ANKRD17: variants seen among roughly 807,000 people sequenced by gnomAD.
The protein encoded by ANKRD17 is ankyrin repeat domain 17, also known as ankyrin repeat domain-containing protein 17.
Under a neutral mutation model 229.7 loss-of-function variants are expected in ANKRD17, and 19 were observed. That is an observed-to-expected ratio of 0.08 (90% CI 0.06 to 0.12). The LOEUF (loss-of-function observed/expected upper bound fraction) is 0.12, where lower values mean the gene tolerates loss of function less well. Among genes scored for constraint, ANKRD17 ranks in the 10% least tolerant of loss-of-function variants. ANKRD17 has a pLI of 1.00. For missense variants in ANKRD17, 2,176 were observed against 3,176.8 expected (o/e 0.68, Z 7.57); for synonymous variants, 1,112 against 1,146.1 (o/e 0.97, Z 0.60).
chr4:73,149,984 A>C (rs1730792059), intron 7 of ANKRD17, among the ~76,000 whole-genome samples: 1 of 152,132 alleles, frequency 6.6e-6, no homozygotes, highest in Non-Finnish European at 1.5e-5. Context: ...GTCCTTCAGT[A>C]ATTTTTTTCC....
intron 14 of ANKRD17, among the ~76,000 whole-genome samples, chr4:73,140,617 A>G (rs778825866): frequency 3.3e-5 from 5 of 152,174 alleles, no homozygotes; most frequent in Non-Finnish European, 5.9e-5. Context: ...ATATGGTCAT[A>G]AAGATGTTAA....
At chr4:73,154,218 T>C (rs980124714) in intron 5 of ANKRD17, 105 bp from the exon 6 acceptor site, 5 of 580,348 alleles carry the variant, frequency 8.6e-6, no homozygotes, top group Middle Eastern at 8.5e-4. Flanking sequence ...ACAACCATAA[T>C]AAATATTAAA....
At position 73,076,399 on chromosome 4, in the gene ANKRD17, G is replaced by A. The variant is rs563311496; in HGVS notation, c.7753-109C>T. 68 of 683,230 alleles carry A rather than the reference G, an allele frequency of 1.0e-4. No homozygotes were observed. In the African/African-American group the frequency reaches 1.2e-3, roughly 13 times the overall value. 42.3% of individuals were successfully genotyped at this position (683,230 alleles called of 1,614,324 possible). ...TACTCTTCAATTTGCAATATACTAGGAACTAATGGAAAAAAATGATAAAAA... is the reference window on the plus strand; with the variant it reads ...TACTCTTCAATTTGCAATATACTAGAAACTAATGGAAAAAAATGATAAAAA... On this transcript the variant is annotated intron_variant, in intron 33 of 33. Coordinates refer to ENST00000358602, the MANE Select transcript of ANKRD17 (RefSeq NM_032217.5).
chr4:73,139,418 T>A (rs1183816440), intron 15 of ANKRD17, 113 bp downstream of exon 15: 1 of 1,231,702 alleles, frequency 8.1e-7, no homozygotes, highest in Non-Finnish European at 1.1e-6. Context: ...AAGCTAGACA[T>A]GAGTCAGTCC....
intron 24 of ANKRD17, among the ~76,000 whole-genome samples, chr4:73,104,350 T>C (rs1024147167): frequency 1.1e-4 from 17 of 152,168 alleles, no homozygotes; most frequent in Non-Finnish European, 1.5e-4. Context: ...CATTTGAGCC[T>C]TGCTTATGTG....
intron 16 of ANKRD17, 145 bp downstream of exon 16, chr4:73,134,972 T>G (rs1728705864): frequency 1.3e-6 from 1 of 762,018 alleles, no homozygotes; most frequent in Non-Finnish European, 1.9e-6. Context: ...ATTTTTTAAA[T>G]GTGAACTTTA....
chr4:73,150,644 A>C (rs1249969426), intron 7 of ANKRD17, among the ~76,000 whole-genome samples: 5 of 152,246 alleles, frequency 3.3e-5, no homozygotes, highest in Non-Finnish European at 5.9e-5. Context: ...AAAAATAGTA[A>C]ATAAAATTTA....
chr4:73,150,584 T>C (rs2148863505), intron 7 of ANKRD17, among the ~76,000 whole-genome samples: 1 of 152,204 alleles, frequency 6.6e-6, no homozygotes, highest in Admixed American at 6.5e-5. Context: ...AAGATGGCAA[T>C]AAGGAAAACA....
At chr4:73,100,866 T>C in intron 25 of ANKRD17, 1 of 985,320 alleles carries the variant, frequency 1.0e-6, no homozygotes, top group South Asian at 4.7e-5. Flanking sequence ...ACACATTGCA[T>C]GCACATATTT....
rs1251703936 is a variant in ANKRD17, at chr4:73,097,232, A to T, written c.5062T>A (p.Ser1688Thr). The T allele has an allele frequency of 1.9e-6, 3 of 1,605,082 alleles. No individual in the cohort carries two copies. The highest frequency in any genetic ancestry group is 3.4e-5 in the Admixed American group (2 of 58,266). ...GATGGACCAGATTTTGTACAAGTAG[A>T]TAGAGAATTACTGGTCCCTTCACTG... ...TISEGTSNSLSTCTKSGPSPL... is the reference protein window; with the variant it reads ...TISEGTSNSLTTCTKSGPSPL... The change falls in exon 27 of 34, where the codon TCT becomes ACT. Residue 1688 changes from serine to threonine, a missense_variant. Physicochemically the swap from Ser to Thr is moderately conservative, Grantham distance 58 (BLOSUM62 1). Around this residue, in one of 18 missense-constraint regions of ANKRD17, gnomAD observed 98 missense variants for 101.0 expected, o/e 0.97. Transcript: ENST00000358602.
chr4:73,209,388 T>C (rs1353269148), intron 1 of ANKRD17, among the ~76,000 whole-genome samples: 4 of 152,188 alleles, frequency 2.6e-5, no homozygotes, highest in African/African-American at 9.7e-5. Flanking sequence ...ACTCTGTCAA[T>C]TAATTCAACA....
chr4:73,243,952 ATATT>A (rs572894113), intron 1 of ANKRD17, among the ~76,000 whole-genome samples: 73 of 152,278 alleles, frequency 4.8e-4, no homozygotes, highest in African/African-American at 1.3e-3. Context: ...TAAACAACAG[ATATT>A]TATTTTCTCA....
chr4:73,187,458 C>T (rs1056890505), intron 1 of ANKRD17, among the ~76,000 whole-genome samples: 1 of 152,100 alleles, frequency 6.6e-6, no homozygotes, highest in Non-Finnish European at 1.5e-5. Flanking sequence ...AACATAAGGC[C>T]GAGTCACATT....
At chr4:73,090,158 C>G (rs952720657) in intron 29 of ANKRD17, among the ~76,000 whole-genome samples, 3 of 152,134 alleles carry the variant, frequency 2.0e-5, no homozygotes, top group Non-Finnish European at 4.4e-5. Context: ...GCCTGTAATC[C>G]TAGCACTTTG....
At chr4:73,112,664 C>A (rs1363786556) in intron 24 of ANKRD17, 4 of 688,692 alleles carry the variant, frequency 5.8e-6, no homozygotes, top group Non-Finnish European at 7.1e-6. Context: ...ATAAAGAAAG[C>A]AAGTATAGTA....
chr4:73,120,380 T>C (rs1484922848), intron 20 of ANKRD17, 43 bp from the exon 21 acceptor site: 1 of 1,557,544 alleles, frequency 6.4e-7, no homozygotes, highest in African/African-American at 1.4e-5. Flanking sequence ...CGTAAGAGAC[T>C]GGAAAGATCT....
rs1371960299 is a variant in ANKRD17 at position 73,091,170 on chromosome 4, G to A, written c.6458C>T (p.Ala2153Val). 20 of 1,614,046 alleles carry A rather than the reference G, an allele frequency of 1.2e-5. No individual in the cohort carries two copies. The highest frequency in any genetic ancestry group is 1.2e-5 in the Non-Finnish European group (14 of 1,180,044). ...CTGAGGCATAGGGTAAGTCACTGGG[G>A]CAGTAGAAGGCACCGCCACTGGAGC... ...SSAPVAVPST[A>V]PVTYPMPQTP... The change falls in exon 29 of 34, where the codon GCC (alanine) becomes GTC (valine). Residue 2153 changes from alanine to valine, a missense_variant. Around this residue, in one of 18 missense-constraint regions of ANKRD17, gnomAD observed 424 missense variants for 454.0 expected, o/e 0.93. Coordinates refer to ENST00000358602, the MANE Select transcript of ANKRD17 (RefSeq NM_032217.5).
intron 1 of ANKRD17, among the ~76,000 whole-genome samples, chr4:73,226,389 G>GTTTTTTTTTTTT (rs1157719883): frequency 8.0e-5 from 7 of 87,614 alleles, no homozygotes; most frequent in East Asian, 3.7e-4. Context: ...CTTTTCTTCT[G>GTTTTTTTTTTTT]TTTTTTTTTT....
At chr4:73,197,040 T>A (rs1276672873) in intron 1 of ANKRD17, among the ~76,000 whole-genome samples, 3 of 152,108 alleles carry the variant, frequency 2.0e-5, no homozygotes, top group African/African-American at 7.2e-5. Context: ...AGTCTGCTAG[T>A]CATTCAGAAC....
Sources: allele counts gnomAD v4.1 joint callset (sites outside exome capture counted in the v4.1 genomes callset), GRCh38; gene constraint gnomAD v4.1.1; regional missense constraint gnomAD v4.1.1; transcripts MANE v1.5; gene names NCBI Gene and HGNC (gene_info 2026-07-23, HGNC 2026-07-21).